Variants in CAMSAP1 observed in about 807,000 individuals in gnomAD.
CAMSAP1 encodes calmodulin-regulated spectrin-associated protein 1.
A neutral mutation model predicts 143.5 loss-of-function variants in CAMSAP1; 58 were observed. That is an observed-to-expected ratio of 0.40 (90% CI 0.33 to 0.50). The LOEUF (loss-of-function observed/expected upper bound fraction) is 0.50. Among genes scored for constraint, CAMSAP1 ranks in the 20% least tolerant of loss-of-function variants. The pLI is 0.45. For synonymous variants in CAMSAP1, 945 were observed against 859.3 expected, an observed-to-expected ratio of 1.10 and a Z score of -1.74; for missense variants, 1,969 against 2,115.7, an observed-to-expected ratio of 0.93 and a Z score of 1.36.
intron 14 of CAMSAP1, 46 bp downstream of exon 14, chr9:135,817,931 C>T (rs373787349): frequency 3.2e-6 from 5 of 1,546,956 alleles, no homozygotes; most frequent in Non-Finnish European, 1.8e-6. Context: ...CCTGCCCCTC[C>T]GAACGTCCTC....
At position 135,823,113 on chromosome 9, in the gene CAMSAP1, C is replaced by T; in HGVS notation, c.1548G>A (p.Gln516=). Residue 516 remains glutamine (Q), a synonymous_variant, in exon 11 of 17, where the codon CAG becomes CAA. Coordinates refer to ENST00000389532, the MANE Select transcript of CAMSAP1 (RefSeq NM_015447.4). ...SNIVNLTPQN[Q]PHPTATKSHG... The stretch of plus-strand genomic sequence containing the variant: ...GGCTCTTCGTGGCCGTGGGGTGTGG[C>T]TGGTTCTGTGGGGTCAGATTAACAA... 1.2e-6 allele frequency: 2 copies of T among 1,614,004 alleles called. No homozygotes were observed. Among genetic ancestry groups the T allele is most frequent in the Non-Finnish European group, 1.7e-6 (2 of 1,179,882 alleles).
intron 3 of CAMSAP1, among the ~76,000 whole-genome samples, chr9:135,867,246 A>AAATAAAGAC (rs2130945783): frequency 6.6e-6 from 1 of 151,872 alleles, no homozygotes; most frequent in Admixed American, 6.5e-5. Context: ...CTGTTTTTAA[A>AAATAAAGAC]AATAAAGACA....
At chr9:135,874,285 C>T (rs370360887) in intron 3 of CAMSAP1, among the ~76,000 whole-genome samples, 83 of 152,208 alleles carry the variant, frequency 5.5e-4, no homozygotes, top group Middle Eastern at 3.4e-3. Flanking sequence ...TCAGCCTGGG[C>T]AACGTGGCAA....
At chr9:135,881,887 T>TA in intron 2 of CAMSAP1, 93 bp from the exon 3 acceptor site, 2 of 1,434,362 alleles carry the variant, frequency 1.4e-6, no homozygotes, top group Non-Finnish European at 1.9e-6. Context: ...CATTCTGGCC[T>TA]AATTTCTTCA....
intron 7 of CAMSAP1, among the ~76,000 whole-genome samples, chr9:135,846,954 T>C (rs1435274788): frequency 2.6e-5 from 4 of 152,090 alleles, no homozygotes; most frequent in Admixed American, 6.5e-5. Context: ...AGTTCAACCA[T>C]TGTGGAAGAC....
chr9:135,847,241 G>A (rs974691040), intron 7 of CAMSAP1, among the ~76,000 whole-genome samples: 1 of 152,026 alleles, frequency 6.6e-6, no homozygotes, highest in Non-Finnish European at 1.5e-5. Flanking sequence ...TGTAGTCCCA[G>A]CTACTTGGGA....
Position 135,823,343 on chromosome 9 carries a change from CCACA to C in CAMSAP1, c.1401-87_1401-84del, listed in dbSNP as rs1442397355. On this transcript the variant is annotated intron_variant, in intron 10 of 16. Coordinates refer to ENST00000389532, the MANE Select transcript of CAMSAP1 (RefSeq NM_015447.4). Reference sequence around the variant, plus strand: ...ATGGACCAGGGGGTGAGAATGCCGGCCACACAAAGAGAATACGCCTCTCATATGC... The same window carrying C: ...ATGGACCAGGGGGTGAGAATGCCGGCCAAAGAGAATACGCCTCTCATATGC... The C allele has an allele frequency of 3.7e-5, 53 of 1,448,596 alleles. 2 individuals are homozygous for C. In the South Asian group the frequency reaches 6.3e-4, roughly 17 times the overall value. The allele number at this position is 1,448,596 out of a possible 1,614,324, so 89.7% of individuals were successfully genotyped here. A position where few individuals can be genotyped will look rare whatever the true frequency, so the allele number is the denominator to read the frequency against.
At chr9:135,833,697 AT>A (rs1196590205) in intron 7 of CAMSAP1, among the ~76,000 whole-genome samples, 51 of 152,344 alleles carry the variant, frequency 3.3e-4, no homozygotes, top group African/African-American at 1.2e-3. Context: ...AGACTAATTA[AT>A]TTAATTAAGG....
intron 3 of CAMSAP1, among the ~76,000 whole-genome samples, chr9:135,872,708 C>A (rs901626998): frequency 2.0e-5 from 3 of 152,258 alleles, no homozygotes; most frequent in Non-Finnish European, 2.9e-5. Flanking sequence ...CTTGAATCCA[C>A]ATCCACATTA....
chr9:135,889,249 G>A (rs1276826503), intron 1 of CAMSAP1, among the ~76,000 whole-genome samples: 4 of 152,192 alleles, frequency 2.6e-5, no homozygotes, highest in Non-Finnish European at 5.9e-5. Context: ...ACGTAACTGG[G>A]TGGACTACCT....
intron 1 of CAMSAP1, among the ~76,000 whole-genome samples, chr9:135,887,212 C>T (rs1838150976): frequency 6.6e-6 from 1 of 152,154 alleles, no homozygotes; most frequent in South Asian, 2.1e-4. Flanking sequence ...GCCAAAGAAA[C>T]GGACAAGTGA....
At chr9:135,827,272 G>A (rs938077053) in intron 8 of CAMSAP1, 135 bp downstream of exon 8, 7 of 912,948 alleles carry the variant, frequency 7.7e-6, no homozygotes, top group Non-Finnish European at 1.1e-5. Flanking sequence ...GAAGGGCAGG[G>A]ACAGAAGGAA....
At chr9:135,900,674 G>A (rs1039236764) in intron 1 of CAMSAP1, among the ~76,000 whole-genome samples, 6 of 151,994 alleles carry the variant, frequency 3.9e-5, no homozygotes, top group Middle Eastern at 3.4e-3. Context: ...CAGCCTGGGC[G>A]ACAGAGCGAG....
In CAMSAP1 at chr9:135,827,473, G is replaced by T; in HGVS notation, c.1157C>A (p.Pro386His). The change falls in exon 8 of 17, where the codon CCC becomes CAC. Residue 386 changes from proline to histidine, a missense_variant. This residue lies in a region of CAMSAP1 where 1,390 missense variants were observed against 1,420.8 expected (regional missense o/e 0.98). Transcript: ENST00000389532. ...PAAGTLAELQ[P>H]PVQLPAEGCH... ...GCCTTCCGCCGGCAGCTGCACGGGG[G>T]GCTGCAGCTCAGCCAGGGTCCCTGC... 6.2e-7 allele frequency: 1 copy of T among 1,610,054 alleles called. No individual in the cohort carries two copies. The highest frequency in any genetic ancestry group is 8.5e-7 in the Non-Finnish European group (1 of 1,176,740).
chr9:135,882,706 C>G lies in CAMSAP1; in HGVS notation c.423+110G>C. ...GCCAGTGTGCAAAAGCACGGGTCTC[C>G]ACCACCTCGCCGCACACCGTGTTCA... On this transcript the variant is annotated intron_variant, in intron 2 of 16. Transcript: ENST00000389532. This position sits in a 1 kb window ranked among gnomAD's most constrained non-coding sequence, Gnocchi z 4.9. 8 of 1,329,066 alleles carry G rather than the reference C, an allele frequency of 6.0e-6. No homozygotes were observed. The highest frequency in any genetic ancestry group is 8.1e-6 in the Non-Finnish European group (8 of 991,292). The allele number at this position is 1,329,066 out of a possible 1,614,324, so 82.3% of individuals were successfully genotyped here.
intron 1 of CAMSAP1, among the ~76,000 whole-genome samples, chr9:135,904,541 T>C (rs73561663): frequency 0.042 from 6,323 of 152,072 alleles, 442 homozygotes; most frequent in African/African-American, 0.14. Context: ...GTGATCATCC[T>C]ACCTCTGCCT....
chr9:135,865,829 AG>A (rs1837358949), intron 4 of CAMSAP1, among the ~76,000 whole-genome samples: 1 of 152,226 alleles, frequency 6.6e-6, no homozygotes, highest in South Asian at 2.1e-4. Context: ...AGGGGGAAGA[AG>A]GAACAGGGGA....
Position 135,818,629 on chromosome 9 carries a change from C to T in CAMSAP1, c.3960-13G>A, listed in dbSNP as rs766392764. ...CTCAGCTTTGCGCCTGAGAGAAACA[C>T]ACGCCCAGACACTGCTCGGTCACGG... On this transcript the variant is annotated splice_polypyrimidine_tract_variant and intron_variant, in intron 12 of 16. Coordinates refer to ENST00000389532, the MANE Select transcript of CAMSAP1 (RefSeq NM_015447.4). The surrounding 1 kb of genome is among the most constrained non-coding windows in gnomAD (Gnocchi z 7.7). 5 of 1,609,432 alleles carry T rather than the reference C, an allele frequency of 3.1e-6. No individual in the cohort carries two copies. In the Admixed American group the frequency reaches 6.7e-5, roughly 21 times the overall value.
At chr9:135,851,145 G>C (rs1223043844) in intron 5 of CAMSAP1, among the ~76,000 whole-genome samples, 1 of 152,220 alleles carries the variant, frequency 6.6e-6, no homozygotes, top group Non-Finnish European at 1.5e-5. Context: ...AGTGGGGGGT[G>C]GCCCTCAGAC....
Sources: gnomAD v4.1 joint callset for allele counts (sites outside exome capture counted in the v4.1 genomes callset) on GRCh38, gnomAD v4.1.1 for gene constraint, gnomAD v4.1.1 regional missense constraint, Gnocchi (gnomAD v3.1) non-coding constraint, MANE v1.5 for transcripts, NCBI Gene and HGNC (gene_info 2026-07-23, HGNC 2026-07-21) for gene names.